IPO11: variants seen among roughly 807,000 people sequenced by gnomAD.
The protein encoded by IPO11 is importin 11.
In IPO11, 66 loss-of-function variants were observed where a neutral mutation model predicts 143.2. The ratio of observed to expected loss-of-function variants is 0.46; its 90% CI spans 0.38 to 0.57. The LOEUF (loss-of-function observed/expected upper bound fraction) is 0.57. Ranked by LOEUF, IPO11 falls within the 20% of genes least tolerant of loss-of-function variation. The pLI is 0.00. For missense variants in IPO11, 1,026 were observed against 1,141.0 expected, an observed-to-expected ratio of 0.90 and a Z score of 1.45; for synonymous variants, 385 against 377.8, an observed-to-expected ratio of 1.02 and a Z score of -0.22.
chr5:62,502,474 T>C (rs972654979), intron 16 of IPO11, among the ~76,000 whole-genome samples: 1 of 152,238 alleles, frequency 6.6e-6, no homozygotes, highest in East Asian at 1.9e-4. Flanking sequence ...TTTGTCATCA[T>C]TTAAAATGCT....
intron 24 of IPO11, among the ~76,000 whole-genome samples, chr5:62,538,008 A>C (rs528346200): frequency 6.6e-6 from 1 of 152,322 alleles, no homozygotes; most frequent in East Asian, 1.9e-4. Context: ...TGTACCCTGG[A>C]ACCTAAAGTA....
At chr5:62,432,653 T>C (rs867187607) in intron 1 of IPO11, among the ~76,000 whole-genome samples, 130 of 152,376 alleles carry the variant, frequency 8.5e-4, no homozygotes, top group African/African-American at 2.9e-3. Flanking sequence ...GAGCTTTTTA[T>C]AATTTTCACC....
Position 62,437,362 on chromosome 5 carries a change from C to T in IPO11, c.83C>T (p.Ala28Val). The T allele has an allele frequency of 6.2e-7, 1 of 1,612,938 alleles. No individual in the cohort carries two copies. ...CAGGATACTGCTGTGTTAAAACCAG[C>T]TGAGGAGCAGTTGAAGCAGTGGGAG... ...TSQDTAVLKP[A>V]EEQLKQWETQ... is the part of the protein sequence containing the mutation. Residue 28 changes from alanine (A) to valine (V), a missense_variant, in exon 2 of 30, where the codon GCT (alanine) becomes GTT (valine). By Grantham distance (64) the Ala-to-Val change is moderately conservative. Around this residue, in one of 5 missense-constraint regions of IPO11, gnomAD observed 429 missense variants for 456.3 expected, o/e 0.94. Transcript: ENST00000325324.
At chr5:62,606,142 A>G (rs1745705841) in intron 29 of IPO11, among the ~76,000 whole-genome samples, 1 of 152,080 alleles carries the variant, frequency 6.6e-6, no homozygotes, top group Non-Finnish European at 1.5e-5. Context: ...GAATGGCTGA[A>G]TCAAGCTAAT....
intron 3 of IPO11, among the ~76,000 whole-genome samples, chr5:62,446,804 A>C (rs902624940): frequency 3.9e-5 from 6 of 152,060 alleles, no homozygotes; most frequent in Non-Finnish European, 8.8e-5. Context: ...CTCCATCTCT[A>C]CTAAAAATAC....
At chr5:62,472,774 C>G (rs1745827943) in intron 7 of IPO11, among the ~76,000 whole-genome samples, 1 of 152,052 alleles carries the variant, frequency 6.6e-6, no homozygotes, top group African/African-American at 2.4e-5. Flanking sequence ...GTTGATCCAC[C>G]CGCCTCGGCC....
At chr5:62,553,134 A>G (rs977471228) in intron 26 of IPO11, among the ~76,000 whole-genome samples, 2 of 152,054 alleles carry the variant, frequency 1.3e-5, no homozygotes, top group Non-Finnish European at 2.9e-5. Context: ...TTCCCAGTCT[A>G]GTAACCACTA....
chr5:62,478,787 T>G (rs1318011232), intron 9 of IPO11, among the ~76,000 whole-genome samples: 1 of 152,222 alleles, frequency 6.6e-6, no homozygotes, highest in Non-Finnish European at 1.5e-5. Context: ...ATATTTCTTA[T>G]AAGTTGGTAG....
At chr5:62,485,537 C>G (rs970966646) in intron 12 of IPO11, 75 bp downstream of exon 12, 1 of 1,166,442 alleles carries the variant, frequency 8.6e-7, no homozygotes, top group African/African-American at 1.5e-5. Flanking sequence ...GAATGACACT[C>G]TATTAAAGAT....
At chr5:62,465,716 A>C (rs1433748387) in intron 5 of IPO11, among the ~76,000 whole-genome samples, 4 of 152,258 alleles carry the variant, frequency 2.6e-5, no homozygotes. Flanking sequence ...TGAAGTATAC[A>C]CACAAGATGA....
chr5:62,565,834 G>A (rs1360975620), intron 27 of IPO11, among the ~76,000 whole-genome samples: 1 of 150,750 alleles, frequency 6.6e-6, no homozygotes, highest in South Asian at 2.1e-4. Context: ...TTGTGTCGGT[G>A]TGTTCTCATT....
chr5:62,570,248 T>A (rs1486948390), intron 27 of IPO11, among the ~76,000 whole-genome samples: 1 of 152,092 alleles, frequency 6.6e-6, no homozygotes, highest in East Asian at 1.9e-4. Flanking sequence ...TTATAATCAT[T>A]TATAAAACTT....
At chr5:62,563,414 T>C (rs1743836966) in intron 27 of IPO11, among the ~76,000 whole-genome samples, 1 of 152,206 alleles carries the variant, frequency 6.6e-6, no homozygotes, top group Non-Finnish European at 1.5e-5. Flanking sequence ...GATACCTAAT[T>C]GTATCAGAAA....
chr5:62,608,843 G>A (rs1425694859), intron 29 of IPO11, among the ~76,000 whole-genome samples: 1 of 152,134 alleles, frequency 6.6e-6, no homozygotes, highest in Non-Finnish European at 1.5e-5. Flanking sequence ...AATGTATAAC[G>A]ATGTGTATCC....
chr5:62,513,880 C>A (rs1189261532), intron 19 of IPO11, among the ~76,000 whole-genome samples: 6 of 147,970 alleles, frequency 4.1e-5, no homozygotes, highest in African/African-American at 1.5e-4. Flanking sequence ...TCAGACGGGG[C>A]GGCCGGGCAG....
At position 62,496,522 on chromosome 5, in the gene IPO11, G is replaced by C. The variant is rs573310015; in HGVS notation, c.1590+2398G>C. Among the ~76,000 whole-genome samples the C allele has an allele frequency of 1.5e-4, 23 of 152,212 alleles. No individual in the cohort carries two copies. In the East Asian group the frequency reaches 4.2e-3, roughly 28 times the overall value. Reference sequence around the variant, plus strand: ...TTGTTCAGTAAGGCACCCAGTTAGTGGTTAGTGTTGTAAACCTTGGCCTTT... The same window carrying C: ...TTGTTCAGTAAGGCACCCAGTTAGTCGTTAGTGTTGTAAACCTTGGCCTTT... On this transcript the variant is annotated intron_variant, in intron 16 of 29. Transcript: ENST00000325324.
At chr5:62,490,263 T>A in intron 15 of IPO11, 43 bp downstream of exon 15, 1 of 1,257,790 alleles carries the variant, frequency 8.0e-7, no homozygotes, top group Non-Finnish European at 1.1e-6. Flanking sequence ...TACTTTACCT[T>A]ATTTATTTTA....
intron 9 of IPO11, among the ~76,000 whole-genome samples, chr5:62,482,422 T>G (rs1430572162): frequency 6.6e-6 from 1 of 152,186 alleles, no homozygotes; most frequent in African/African-American, 2.4e-5. Flanking sequence ...TTGTGGACAT[T>G]TAGTGCTATA....
At chr5:62,521,697 T>C (rs1214995406) in intron 20 of IPO11, among the ~76,000 whole-genome samples, 1 of 152,018 alleles carries the variant, frequency 6.6e-6, no homozygotes, top group African/African-American at 2.4e-5. Context: ...ATAGATATTC[T>C]GAACCAGTCG....
Sources: gnomAD v4.1 joint callset for allele counts (sites outside exome capture counted in the v4.1 genomes callset) on GRCh38, gnomAD v4.1.1 for gene constraint, gnomAD v4.1.1 regional missense constraint, MANE v1.5 for transcripts, NCBI Gene and HGNC (gene_info 2026-07-23, HGNC 2026-07-21) for gene names.